NYAP2: variants seen among roughly 807,000 people sequenced by gnomAD.
The protein encoded by NYAP2 is neuronal tyrosine-phosphorylated phosphoinositide-3-kinase adaptor 2.
In NYAP2, 23 loss-of-function variants were observed where a neutral mutation model predicts 50.4. The observed-to-expected ratio is 0.46, with a 90% CI of 0.33 to 0.65. The LOEUF (loss-of-function observed/expected upper bound fraction) is 0.65. Ranked by LOEUF, NYAP2 falls within the 30% of genes least tolerant of loss-of-function variation. The pLI, the probability that NYAP2 is intolerant of heterozygous loss-of-function variation, is 0.02. For missense variants in NYAP2, 885 were observed against 861.0 expected (o/e 1.03, Z -0.35); for synonymous variants, 394 against 365.2 (o/e 1.08, Z -0.90).
intron 4 of NYAP2, among the ~76,000 whole-genome samples, chr2:225,540,167 C>A (rs1056137343): frequency 3.9e-5 from 6 of 152,148 alleles, no homozygotes; most frequent in African/African-American, 1.4e-4. Context: ...CCAAGTTTTC[C>A]TGTCTTCTTC....
At chr2:225,636,089 A>G (rs1693409297) in intron 6 of NYAP2, among the ~76,000 whole-genome samples, 1 of 152,240 alleles carries the variant, frequency 6.6e-6, no homozygotes, top group Admixed American at 6.5e-5. Context: ...CCCTAGACTC[A>G]TATTCTAGCA....
intron 2 of NYAP2, among the ~76,000 whole-genome samples, chr2:225,403,938 T>C (rs1281248388): frequency 6.6e-6 from 1 of 151,974 alleles, no homozygotes; most frequent in Non-Finnish European, 1.5e-5. Flanking sequence ...AAATTTGCTC[T>C]GAAGCAAAGA....
At chr2:225,478,313 A>G (rs1482318294) in intron 3 of NYAP2, among the ~76,000 whole-genome samples, 3 of 152,180 alleles carry the variant, frequency 2.0e-5, no homozygotes, top group Non-Finnish European at 4.4e-5. Context: ...GTGCAGCTGC[A>G]TAAACAGGAA....
chr2:225,695,315 A>G, the NYAP2 span, among the ~76,000 whole-genome samples: 1 of 151,904 alleles, frequency 6.6e-6, no homozygotes, highest in African/African-American at 2.4e-5. Flanking sequence ...TAAGTAACAC[A>G]TGACTTAATG....
chr2:225,514,433 G>A (rs1439831045), intron 4 of NYAP2, among the ~76,000 whole-genome samples: 1 of 152,154 alleles, frequency 6.6e-6, no homozygotes, highest in Non-Finnish European at 1.5e-5. Context: ...AGCCTGGGTG[G>A]CATATAAGCA....
intron 5 of NYAP2, among the ~76,000 whole-genome samples, chr2:225,620,508 CACAT>C (rs1693080701): frequency 6.6e-6 from 1 of 151,940 alleles, no homozygotes; most frequent in Non-Finnish European, 1.5e-5. Context: ...CACGCACACA[CACAT>C]GAAAAAACAG....
intron 4 of NYAP2, among the ~76,000 whole-genome samples, chr2:225,542,681 G>T (rs1460203471): frequency 6.6e-6 from 1 of 150,674 alleles, no homozygotes; most frequent in Non-Finnish European, 1.5e-5. Context: ...CTAGTATTTT[G>T]TTGAGGATTT....
chr2:225,621,678 A>T (rs977440487), intron 5 of NYAP2, among the ~76,000 whole-genome samples: 3 of 151,880 alleles, frequency 2.0e-5, no homozygotes, highest in African/African-American at 7.3e-5. Flanking sequence ...TAGTACTTTT[A>T]TATTGTGGTA....
chr2:225,509,048 C>T (rs921070587), intron 3 of NYAP2, among the ~76,000 whole-genome samples: 1 of 152,150 alleles, frequency 6.6e-6, no homozygotes, highest in African/African-American at 2.4e-5. Flanking sequence ...CTATAGCCCT[C>T]ATCACCGCAG....
chr2:225,443,440 A>G (rs1689502320), intron 3 of NYAP2, among the ~76,000 whole-genome samples: 1 of 152,164 alleles, frequency 6.6e-6, no homozygotes, highest in African/African-American at 2.4e-5. Context: ...GGGAGCAGAC[A>G]TAGGTTGCCA....
chr2:225,404,416 T>G (rs2106116193), intron 2 of NYAP2, among the ~76,000 whole-genome samples: 1 of 152,164 alleles, frequency 6.6e-6, no homozygotes, highest in South Asian at 2.1e-4. Context: ...TAATGGGTAG[T>G]TTTATTTCAG....
At chr2:225,587,490 C>T (rs1463506830) in intron 5 of NYAP2, among the ~76,000 whole-genome samples, 1 of 152,082 alleles carries the variant, frequency 6.6e-6, no homozygotes, top group Non-Finnish European at 1.5e-5. Flanking sequence ...AAGAGAGGCG[C>T]ACAGAAAGGG....
intron 3 of NYAP2, among the ~76,000 whole-genome samples, chr2:225,463,571 T>C (rs1311624270): frequency 6.6e-6 from 1 of 152,228 alleles, no homozygotes; most frequent in Non-Finnish European, 1.5e-5. Context: ...GAAAAACAAA[T>C]ACAAAAATAA....
intron 5 of NYAP2, among the ~76,000 whole-genome samples, chr2:225,605,297 A>C (rs1325549617): frequency 6.6e-6 from 1 of 152,136 alleles, no homozygotes; most frequent in Non-Finnish European, 1.5e-5. Context: ...AAGAGTGGAA[A>C]AGCTTGTCTT....
chr2:225,638,820 G>T (rs767735249), intron 6 of NYAP2, among the ~76,000 whole-genome samples: 6 of 152,170 alleles, frequency 3.9e-5, no homozygotes, highest in Non-Finnish European at 8.8e-5. Flanking sequence ...TTTCTGCCCA[G>T]ATGAGAGCAG....
the NYAP2 span, among the ~76,000 whole-genome samples, chr2:225,684,891 A>G: frequency 2.6e-5 from 4 of 152,148 alleles, no homozygotes; most frequent in African/African-American, 9.6e-5. Context: ...TGTGGGTGTG[A>G]TATGTTCCAC....
exon 7 of NYAP2, chr2:225,653,507 T>TTACCTTACCTGCTGA (rs1272269437): frequency 3.3e-5 from 5 of 152,226 alleles, no homozygotes; most frequent in African/African-American, 1.2e-4. Flanking sequence ...TTATATGCTG[T>TTACCTTACCTGCTGA]TAGTTTCCTT....
At chr2:225,697,642 A>T in the NYAP2 span, among the ~76,000 whole-genome samples, 1 of 151,990 alleles carries the variant, frequency 6.6e-6, no homozygotes, top group Non-Finnish European at 1.5e-5. Flanking sequence ...AATTGAATTT[A>T]AAAATATGGG....
intron 4 of NYAP2, among the ~76,000 whole-genome samples, chr2:225,529,270 C>T (rs1244664873): frequency 1.3e-5 from 2 of 152,092 alleles, no homozygotes; most frequent in Non-Finnish European, 2.9e-5. Context: ...CCACCGTCCT[C>T]AGAAGGCACC....
Sources: gnomAD v4.1 joint callset for allele counts (sites outside exome capture counted in the v4.1 genomes callset) on GRCh38, gnomAD v4.1.1 for gene constraint, MANE v1.5 for transcripts, NCBI Gene and HGNC (gene_info 2026-07-23, HGNC 2026-07-21) for gene names.